Variants in RIPOR3 observed in about 807,000 individuals in gnomAD.
RIPOR3 encodes the protein RIPOR family member 3.
A neutral mutation model predicts 114.3 loss-of-function variants in RIPOR3; 95 were observed. That is an observed-to-expected ratio of 0.83 (90% CI 0.70 to 0.99). The LOEUF is 0.99. Ranked by LOEUF, RIPOR3 falls within the 50% of genes least tolerant of loss-of-function variation. The probability of loss-of-function intolerance (pLI) is 0.00; values close to 1 mark genes in which losing one functional copy is unlikely to be tolerated. For missense variants in RIPOR3, 1,252 were observed against 1,266.9 expected (o/e 0.99, Z 0.18); for synonymous variants, 575 against 543.8 (o/e 1.06, Z -0.80).
intron 1 of RIPOR3, among the ~76,000 whole-genome samples, chr20:50,688,984 C>A (rs899563584): frequency 1.3e-5 from 2 of 152,084 alleles, no homozygotes; most frequent in Non-Finnish European, 2.9e-5. Flanking sequence ...AATCATGATA[C>A]GCTTTCAACA....
rs187962547 is a variant in RIPOR3 at position 50,604,384 on chromosome 20, G to A, written c.1086+261C>T. Among the ~76,000 whole-genome samples, 6 of 152,310 alleles carry A rather than the reference G, an allele frequency of 3.9e-5. No homozygotes were observed. In the East Asian group the frequency reaches 1.2e-3, roughly 29 times the overall value. The stretch of plus-strand genomic sequence containing the variant: ...CTAGAAACGTATATATTAAGGCCAA[G>A]GCCATGACTGGGGTGCTAGAACCAT... On this transcript the variant is annotated intron_variant, in intron 12 of 21. Transcript: ENST00000327979.
Position 50,651,361 on chromosome 20 carries a change from T to C in RIPOR3, c.4-20505A>G, listed in dbSNP as rs1463774699. ...AACATCTTGCATTTCAGCCTTGCGA[T>C]GAGCAGAGAACTCAGCCATGCCAGA... On this transcript the variant is annotated intron_variant, in intron 1 of 21. Coordinates refer to ENST00000327979, the MANE Select transcript of RIPOR3 (RefSeq NM_001290268.2). 2.6e-5 allele frequency among the ~76,000 whole-genome samples: 4 copies of C among 152,202 alleles called. No individual in the cohort carries two copies. The South Asian group carries it at 6.2e-4, about 24-fold the overall frequency.
intron 2 of RIPOR3, among the ~76,000 whole-genome samples, chr20:50,625,612 A>G (rs1445273507): frequency 6.6e-6 from 1 of 152,110 alleles, no homozygotes; most frequent in East Asian, 1.9e-4. Flanking sequence ...AGCCATCCCA[A>G]CAGAGGAATT....
At chr20:50,656,796 C>A (rs927090397) in intron 1 of RIPOR3, among the ~76,000 whole-genome samples, 1 of 152,198 alleles carries the variant, frequency 6.6e-6, no homozygotes, top group African/African-American at 2.4e-5. Context: ...CCGTGCCCGG[C>A]CAACTCACAA....
chr20:50,608,511 G>A lies in RIPOR3; in HGVS notation c.834C>T (p.Gly278=), dbSNP rs2083813263. ...ACGTCACTGCACCCACAGCCAGCGA[G>A]CCCAGGCCCCGCAACTCCGTCACCT... ...DIKVTELRGL[G]SLAVGAVTCD... is the part of the protein sequence containing the mutation. Residue 278 remains glycine (G), a synonymous_variant, in exon 11 of 22, where the codon GGC becomes GGT. Coordinates refer to ENST00000327979, the MANE Select transcript of RIPOR3 (RefSeq NM_001290268.2). The A allele has an allele frequency of 1.2e-6, 2 of 1,613,864 alleles. No individual in the cohort carries two copies. The highest frequency in any genetic ancestry group is 1.1e-5 in the South Asian group (1 of 91,078).
intron 1 of RIPOR3, chr20:50,662,401 G>T (rs1168435999): frequency 6.6e-6 from 1 of 152,510 alleles, no homozygotes; most frequent in Non-Finnish European, 1.5e-5. Context: ...GTCCAGGGAG[G>T]TTCAGGCAGG....
At position 50,679,768 on chromosome 20, in the gene RIPOR3, C is replaced by CAA. The variant is rs34233758; in HGVS notation, c.3+11356_3+11357dup. Among the ~76,000 whole-genome samples, 519 of 135,692 alleles carry CAA rather than the reference C, an allele frequency of 3.8e-3. 3 individuals are homozygous for CAA. The highest frequency in any genetic ancestry group is 7.6e-3 in the Middle Eastern group (2 of 262). The allele number at this position is 135,692 out of a possible 152,430, so 89.0% of individuals were successfully genotyped here. A position where few individuals can be genotyped will look rare whatever the true frequency, so the allele number is the denominator to read the frequency against. ...TGGGCAATAGAGTGAGACTCTGTCTCAAAAAAAAAAAAACCGTCTCTACTA... is the reference window on the plus strand; with the variant it reads ...TGGGCAATAGAGTGAGACTCTGTCTCAAAAAAAAAAAAAAACCGTCTCTACTA... On this transcript the variant is annotated intron_variant, in intron 1 of 21. Coordinates refer to ENST00000327979, the MANE Select transcript of RIPOR3 (RefSeq NM_001290268.2).
At position 50,662,265 on chromosome 20, in the gene RIPOR3, C is replaced by T. The variant is rs1262940482; in HGVS notation, c.3+28861G>A. The T allele has an allele frequency of 2.0e-5, 3 of 152,306 alleles. No homozygotes were observed. In the East Asian group the frequency reaches 5.8e-4, roughly 29 times the overall value. 9.4% of individuals were successfully genotyped at this position (152,306 alleles called of 1,614,324 possible). On this transcript the variant is annotated intron_variant, in intron 1 of 21. Coordinates refer to ENST00000327979, the MANE Select transcript of RIPOR3 (RefSeq NM_001290268.2). ...GCCAAAAGGAATTAAAAGCCAATTT[C>T]CAAATGGAAATAAATAAGCAGTCAT...
chr20:50,678,493 A>G (rs1207102197), intron 1 of RIPOR3, among the ~76,000 whole-genome samples: 1 of 152,188 alleles, frequency 6.6e-6, no homozygotes, highest in Non-Finnish European at 1.5e-5. Flanking sequence ...TCCGGGAAGG[A>G]AAGTCCAAGG....
chr20:50,597,482 G>A, intron 14 of RIPOR3, 98 bp downstream of exon 14: 2 of 1,486,278 alleles, frequency 1.3e-6, no homozygotes, highest in Admixed American at 2.0e-5. Flanking sequence ...CAAGGACAGT[G>A]GGAGAAACAG....
chr20:50,626,187 G>T (rs1397025568), intron 2 of RIPOR3, among the ~76,000 whole-genome samples: 1 of 152,270 alleles, frequency 6.6e-6, no homozygotes, highest in Non-Finnish European at 1.5e-5. Flanking sequence ...CAGGGAGCTC[G>T]ACGGAGACAG....
chr20:50,635,653 AAAAGAAGGAAAGGAAGG>A (rs2084958688), intron 1 of RIPOR3, among the ~76,000 whole-genome samples: 1 of 152,126 alleles, frequency 6.6e-6, no homozygotes, highest in Non-Finnish European at 1.5e-5. Context: ...ACCCTGTCTC[AAAAGAAGGAAAGGAAGG>A]AAAGAAGGAA....
intron 1 of RIPOR3, among the ~76,000 whole-genome samples, chr20:50,683,596 G>T (rs1332384522): frequency 6.6e-6 from 1 of 151,874 alleles, no homozygotes; most frequent in Non-Finnish European, 1.5e-5. Context: ...GGGATTACAG[G>T]TTCATGTCAC....
At chr20:50,616,292 C>G (rs1432354258) in intron 3 of RIPOR3, among the ~76,000 whole-genome samples, 1 of 152,174 alleles carries the variant, frequency 6.6e-6, no homozygotes, top group Non-Finnish European at 1.5e-5. Flanking sequence ...AATTCCCCCA[C>G]CAGGCCCACA....
intron 13 of RIPOR3, 128 bp downstream of exon 13, chr20:50,601,944 G>A (rs1023575140): frequency 1.2e-4 from 108 of 897,602 alleles, no homozygotes; most frequent in Admixed American, 2.8e-4. Context: ...AGAGAGACAC[G>A]GCCCACCCAG....
chr20:50,678,929 C>G (rs536304202), intron 1 of RIPOR3, among the ~76,000 whole-genome samples: 1 of 150,228 alleles, frequency 6.7e-6, no homozygotes, highest in African/African-American at 2.5e-5. Flanking sequence ...CAAAGTGAGA[C>G]TTCATCTCTA....
At chr20:50,655,374 C>T (rs1211937388) in intron 1 of RIPOR3, among the ~76,000 whole-genome samples, 1 of 152,188 alleles carries the variant, frequency 6.6e-6, no homozygotes, top group South Asian at 2.1e-4. Context: ...CCCTGCCCAG[C>T]GCCCCAGGGC....
intron 1 of RIPOR3, among the ~76,000 whole-genome samples, chr20:50,678,112 C>A (rs1382108130): frequency 6.6e-6 from 1 of 152,150 alleles, no homozygotes; most frequent in Non-Finnish European, 1.5e-5. Context: ...GTTTTGCCCC[C>A]CAAGAAGAGA....
At chr20:50,594,482 C>A (rs989599108) in intron 17 of RIPOR3, 71 bp downstream of exon 17, 2 of 1,539,722 alleles carry the variant, frequency 1.3e-6, no homozygotes, top group South Asian at 2.4e-5. Flanking sequence ...CAGCTGTGGC[C>A]ACCCTGAAGG....
Sources: allele counts gnomAD v4.1 joint callset (sites outside exome capture counted in the v4.1 genomes callset), GRCh38; gene constraint gnomAD v4.1.1; transcripts MANE v1.5; gene names NCBI Gene and HGNC (gene_info 2026-07-23, HGNC 2026-07-21).